Variants in RDM1 observed in about 807,000 individuals in gnomAD.
RDM1 encodes RAD52 motif-containing protein 1.
In RDM1, 28 loss-of-function variants were observed where a neutral mutation model predicts 27.7. The ratio of observed to expected loss-of-function variants is 1.01; its 90% CI spans 0.75 to 1.39. The LOEUF (loss-of-function observed/expected upper bound fraction) is 1.39. RDM1 is among the 40% of genes most tolerant of loss of function. The probability of loss-of-function intolerance (pLI) is 0.00; values close to 1 mark genes in which losing one functional copy is unlikely to be tolerated. For missense variants in RDM1, 277 were observed against 337.3 expected (o/e 0.82, Z 1.40); for synonymous variants, 124 against 127.5 (o/e 0.97, Z 0.19).
At position 35,924,509 on chromosome 17, in the gene RDM1, T is replaced by C. The variant is rs540755492; in HGVS notation, c.568+95A>G. 1.6e-4 allele frequency: 219 copies of C among 1,328,122 alleles called. 1 individual carries two copies. The East Asian group carries it at 3.1e-3, about 19-fold the overall frequency. The allele number at this position is 1,328,122 out of a possible 1,614,324, so 82.3% of individuals were successfully genotyped here. The stretch of plus-strand genomic sequence containing the variant: ...AGCTCAGAGAGGGAGGGGCTTGATA[T>C]GTATCTGAAAAGATGAGTTTTGGAA... On this transcript the variant is annotated intron_variant, in intron 4 of 6. Transcript: ENST00000620284.
intron 2 of RDM1, among the ~76,000 whole-genome samples, chr17:35,928,645 C>T (rs1454698928): frequency 1.3e-5 from 2 of 151,878 alleles, no homozygotes; most frequent in Non-Finnish European, 1.5e-5. Flanking sequence ...GCCTGTAATC[C>T]CTGCTACTTG....
chr17:35,928,499 A>C (rs2089224336), intron 2 of RDM1, among the ~76,000 whole-genome samples: 1 of 152,202 alleles, frequency 6.6e-6, no homozygotes, highest in Non-Finnish European at 1.5e-5. Flanking sequence ...GCGGTGGCTC[A>C]CGCTTGTAAT....
At chr17:35,920,483 G>T in intron 5 of RDM1, among the ~76,000 whole-genome samples, 1 of 143,356 alleles carries the variant, frequency 7.0e-6, no homozygotes. Flanking sequence ...TAGAAGACAG[G>T]GTCTCTCACT....
rs1425227730 is a variant in RDM1, at chr17:35,930,262, G to C, written c.97-7C>G. 3.7e-6 allele frequency: 6 copies of C among 1,613,974 alleles called. No individual in the cohort carries two copies. In the East Asian group the frequency reaches 1.3e-4, roughly 36 times the overall value. On this transcript the variant is annotated splice_polypyrimidine_tract_variant and splice_region_variant and intron_variant, in intron 1 of 6. Coordinates refer to ENST00000620284, the MANE Select transcript of RDM1 (RefSeq NM_145654.4). The stretch of plus-strand genomic sequence containing the variant: ...ATGCTGTGAACAGAGAATGCTGTGG[G>C]GGTGGGACAAGTAAATGCATGAAAT...
intron 2 of RDM1, among the ~76,000 whole-genome samples, 180 bp downstream of exon 2, chr17:35,929,896 C>CA (rs1384602033): frequency 2.0e-5 from 3 of 152,194 alleles, no homozygotes; most frequent in African/African-American, 4.8e-5. Context: ...GAACCTTAAA[C>CA]AAGTCGCTCA....
intron 6 of RDM1, among the ~76,000 whole-genome samples, chr17:35,918,937 G>C (rs1280394069): frequency 6.6e-6 from 1 of 152,126 alleles, no homozygotes; most frequent in East Asian, 1.9e-4. Context: ...ATAGGTATAT[G>C]GTGCAGATTA....
At position 35,930,692 on chromosome 17, in the gene RDM1, C is replaced by G; in HGVS notation, c.36G>C (p.Glu12Asp). The G allele has an allele frequency of 6.2e-7, 1 of 1,613,988 alleles. No individual in the cohort carries two copies. Among genetic ancestry groups the G allele is most frequent in the Non-Finnish European group, 8.5e-7 (1 of 1,180,010 alleles). The change falls in exon 1 of 7, where the codon GAG (glutamate) becomes GAC (aspartate). Residue 12 changes from glutamate (E) to aspartate (D), a missense_variant. Transcript: ENST00000620284. Reference protein sequence around the residue: ...AELVPFAVPIESDKTLLVWEL... With the variant: ...AELVPFAVPIDSDKTLLVWEL... ...CCCACACTAGCAAGGTTTTGTCACTCTCGATGGGAACCGCAAAAGGTACCA... is the reference window on the plus strand; with the variant it reads ...CCCACACTAGCAAGGTTTTGTCACTGTCGATGGGAACCGCAAAAGGTACCA...
chr17:35,918,122 C>A lies in RDM1; in HGVS notation c.*220G>T, dbSNP rs1003757372. ...TATTAAGTTCCGTTCGAGATCCGCT[C>A]CTCGTCACCAGGGCGATCTTATCCC... On this transcript the variant is annotated 3_prime_UTR_variant, in exon 7 of 7. Coordinates refer to ENST00000620284, the MANE Select transcript of RDM1 (RefSeq NM_145654.4). 3 of 589,302 alleles carry A rather than the reference C, an allele frequency of 5.1e-6. No individual in the cohort carries two copies. Among genetic ancestry groups the A allele is most frequent in the Non-Finnish European group, 9.1e-6 (3 of 329,692 alleles). The allele number at this position is 589,302 out of a possible 1,614,324, so 36.5% of individuals were successfully genotyped here. A position where few individuals can be genotyped will look rare whatever the true frequency, so the allele number is the denominator to read the frequency against.
rs199889837 is a variant in RDM1 at position 35,924,662 on chromosome 17, A to C, written c.510T>G (p.Cys170Trp). 3 of 1,614,060 alleles carry C rather than the reference A, an allele frequency of 1.9e-6. No homozygotes were observed. The African/African-American group carries it at 4.0e-5, about 22-fold the overall frequency. ...FCALEVVLPS[C>W]DCRSPGIGLV... is the part of the protein sequence containing the mutation. The stretch of plus-strand genomic sequence containing the variant: ...AGCCAATGCCAGGACTCCTGCAATC[A>C]CAGGATGGCAACACCACTTCTAAAG... Residue 170 changes from cysteine to tryptophan, a missense_variant, in exon 4 of 7, where the codon TGT (cysteine) becomes TGG (tryptophan). Cys to Trp is a radical substitution (Grantham distance 215, BLOSUM62 -2). Transcript: ENST00000620284.
chr17:35,930,557 G>T, intron 1 of RDM1, 75 bp downstream of exon 1: 2 of 1,405,556 alleles, frequency 1.4e-6, no homozygotes, highest in Non-Finnish European at 2.0e-6. Context: ...GAGGGTCTGA[G>T]GCAGGACTCC....
At chr17:35,920,811 C>G (rs959749002) in intron 5 of RDM1, among the ~76,000 whole-genome samples, 3 of 151,976 alleles carry the variant, frequency 2.0e-5, no homozygotes, top group African/African-American at 7.3e-5. Flanking sequence ...GTACAAAGGA[C>G]TTTATGATCT....
chr17:35,928,879 C>A (rs2141953584), intron 2 of RDM1, among the ~76,000 whole-genome samples: 1 of 152,144 alleles, frequency 6.6e-6, no homozygotes, highest in Middle Eastern at 3.4e-3. Context: ...AATTCGAGAC[C>A]AGACTGGCCA....
chr17:35,930,601 C>T, intron 1 of RDM1, 31 bp downstream of exon 1: 2 of 1,597,962 alleles, frequency 1.3e-6, no homozygotes, highest in Non-Finnish European at 1.7e-6. Flanking sequence ...CAGCTTTCTC[C>T]ATCCCTCCCT....
chr17:35,924,796 T>C, intron 3 of RDM1, 24 bp from the exon 4 acceptor site: 5 of 1,610,386 alleles, frequency 3.1e-6, no homozygotes, highest in Non-Finnish European at 2.5e-6. Flanking sequence ...TAATGTAAGG[T>C]CCTTCCTGGG....
Position 35,924,590 on chromosome 17 carries a change from CA to C in RDM1, c.568+13del. ...CCAAATCCCTACCCTCCTCCACTCC[CA>C]GTGAAAACAGACCTTCCTCCACCTT... On this transcript the variant is annotated intron_variant, in intron 4 of 6. Transcript: ENST00000620284. The C allele has an allele frequency of 1.2e-6, 2 of 1,604,566 alleles. No homozygotes were observed. The highest frequency in any genetic ancestry group is 1.7e-6 in the Non-Finnish European group (2 of 1,173,348).
In RDM1 at chr17:35,923,905, A is replaced by C. The variant is rs999280574; in HGVS notation, c.568+699T>G. Among the ~76,000 whole-genome samples, 9 of 152,106 alleles carry C rather than the reference A, an allele frequency of 5.9e-5. No individual in the cohort carries two copies. In the East Asian group the frequency reaches 1.7e-3, roughly 29 times the overall value. On this transcript the variant is annotated intron_variant, in intron 4 of 6. Transcript: ENST00000620284. ...AAAAAAAGGAACTGAATGTTTATAC[A>C]AAAGTTTATGTAAATCTTTAGATGA...
At chr17:35,928,370 G>T (rs2089220222) in intron 2 of RDM1, among the ~76,000 whole-genome samples, 1 of 152,220 alleles carries the variant, frequency 6.6e-6, no homozygotes, top group Non-Finnish European at 1.5e-5. Context: ...GAGCCATGGT[G>T]AGTATGATGA....
At chr17:35,923,909 G>A (rs1032146034) in intron 4 of RDM1, among the ~76,000 whole-genome samples, 1 of 151,926 alleles carries the variant, frequency 6.6e-6, no homozygotes, top group African/African-American at 2.4e-5. Flanking sequence ...TTATACAAAA[G>A]TTTATGTAAA....
rs1025233424 is a variant in RDM1, at chr17:35,918,134, G to A, written c.*208C>T. 5.1e-6 allele frequency: 3 copies of A among 592,074 alleles called. No homozygotes were observed. Among genetic ancestry groups the A allele is most frequent in the South Asian group, 2.0e-5 (1 of 48,950 alleles). The allele number at this position is 592,074 out of a possible 1,614,324, so 36.7% of individuals were successfully genotyped here. A position where few individuals can be genotyped will look rare whatever the true frequency, so the allele number is the denominator to read the frequency against. ...TTCGAGATCCGCTCCTCGTCACCAG[G>A]GCGATCTTATCCCACAATCCTACCC... On this transcript the variant is annotated 3_prime_UTR_variant, in exon 7 of 7. Coordinates refer to ENST00000620284, the MANE Select transcript of RDM1 (RefSeq NM_145654.4).
Sources: gnomAD v4.1 joint callset for allele counts (sites outside exome capture counted in the v4.1 genomes callset) on GRCh38, gnomAD v4.1.1 for gene constraint, MANE v1.5 for transcripts, NCBI Gene and HGNC (gene_info 2026-07-23, HGNC 2026-07-21) for gene names.